Variants in GPC6 observed in about 807,000 individuals in gnomAD.
The protein encoded by GPC6 is glypican-6.
In GPC6, 14 loss-of-function variants were observed where a neutral mutation model predicts 55.2. The observed-to-expected ratio is 0.25, with a 90% CI of 0.17 to 0.40. The LOEUF (loss-of-function observed/expected upper bound fraction) is 0.40. GPC6 is among the 10% of genes least tolerant of loss of function. GPC6 has a pLI of 1.00. For synonymous variants in GPC6, 278 were observed against 259.6 expected, an observed-to-expected ratio of 1.07 and a Z score of -0.68; for missense variants, 641 against 708.5, an observed-to-expected ratio of 0.90 and a Z score of 1.08.
intron 1 of GPC6, among the ~76,000 whole-genome samples, chr13:93,540,288 C>T (rs968741018): frequency 6.6e-6 from 1 of 152,020 alleles, no homozygotes; most frequent in African/African-American, 2.4e-5. Context: ...ATATTTTTAT[C>T]ATACAGAAAA....
At chr13:94,179,496 T>C (rs1287302392) in intron 4 of GPC6, among the ~76,000 whole-genome samples, 2 of 152,172 alleles carry the variant, frequency 1.3e-5, no homozygotes, top group Admixed American at 1.3e-4. Flanking sequence ...ACTGTTTGTA[T>C]ACGTGTAATT....
intron 2 of GPC6, among the ~76,000 whole-genome samples, chr13:93,674,853 T>TTG (rs1332997309): frequency 2.0e-5 from 3 of 149,716 alleles, no homozygotes; most frequent in Non-Finnish European, 1.5e-5. Flanking sequence ...ATGACTTGGC[T>TTG]GCTTCATGTC....
intron 3 of GPC6, among the ~76,000 whole-genome samples, chr13:93,902,661 T>C (rs1006600958): frequency 6.6e-6 from 1 of 152,214 alleles, no homozygotes; most frequent in African/African-American, 2.4e-5. Flanking sequence ...TACTAATTTA[T>C]ATTCCCGCTA....
intron 4 of GPC6, among the ~76,000 whole-genome samples, chr13:94,137,085 G>A (rs931344008): frequency 4.6e-5 from 7 of 152,228 alleles, no homozygotes; most frequent in Non-Finnish European, 1.0e-4. Context: ...ATAGGTGGCA[G>A]TGTCTCAATT....
chr13:93,934,000 A>G (rs747185628), intron 3 of GPC6, among the ~76,000 whole-genome samples: 1 of 152,188 alleles, frequency 6.6e-6, no homozygotes, highest in South Asian at 2.1e-4. Context: ...AACAATGGCA[A>G]CACCACTTAG....
At chr13:94,092,629 T>C (rs1885530491) in intron 4 of GPC6, among the ~76,000 whole-genome samples, 1 of 152,138 alleles carries the variant, frequency 6.6e-6, no homozygotes, top group South Asian at 2.1e-4. Context: ...TACTGATATT[T>C]CCTTTAGATA....
intron 4 of GPC6, among the ~76,000 whole-genome samples, chr13:94,257,575 T>G (rs983920799): frequency 2.0e-5 from 3 of 152,074 alleles, no homozygotes; most frequent in Non-Finnish European, 4.4e-5. Context: ...CCCCCTAGTA[T>G]TCCCTCATCA....
intron 1 of GPC6, among the ~76,000 whole-genome samples, chr13:93,455,881 G>A (rs1485912704): frequency 1.3e-5 from 2 of 152,146 alleles, no homozygotes; most frequent in South Asian, 2.1e-4. Context: ...TCTAAGTTCT[G>A]CGTCATGAAC....
At chr13:93,442,208 AAGTAG>A (rs1566359726) in intron 1 of GPC6, among the ~76,000 whole-genome samples, 1 of 152,142 alleles carries the variant, frequency 6.6e-6, no homozygotes, top group African/African-American at 2.4e-5. Flanking sequence ...AGAGGCTCCT[AAGTAG>A]AGTAAAGACA....
At chr13:94,330,494 G>A (rs1423916962) in intron 6 of GPC6, among the ~76,000 whole-genome samples, 1 of 152,172 alleles carries the variant, frequency 6.6e-6, no homozygotes, top group African/African-American at 2.4e-5. Context: ...TGTCCTTGGG[G>A]TGCAGCCAAG....
chr13:93,855,276 C>T (rs1451086298), intron 3 of GPC6, among the ~76,000 whole-genome samples: 1 of 151,750 alleles, frequency 6.6e-6, no homozygotes, highest in South Asian at 2.1e-4. Context: ...GGGAATTCTA[C>T]AGTATGTAGC....
At chr13:94,216,403 G>A (rs1890226246) in intron 4 of GPC6, among the ~76,000 whole-genome samples, 1 of 152,096 alleles carries the variant, frequency 6.6e-6, no homozygotes, top group East Asian at 1.9e-4. Flanking sequence ...ACACAAGAAA[G>A]TACTTCACAT....
At chr13:94,243,451 T>G (rs998601284) in intron 4 of GPC6, among the ~76,000 whole-genome samples, 1 of 152,074 alleles carries the variant, frequency 6.6e-6, no homozygotes, top group Non-Finnish European at 1.5e-5. Flanking sequence ...AACAGGTGTT[T>G]GAACAGAACT....
intron 2 of GPC6, among the ~76,000 whole-genome samples, chr13:93,551,150 G>C (rs527439729): frequency 6.6e-6 from 1 of 152,218 alleles, no homozygotes; most frequent in South Asian, 2.1e-4. Flanking sequence ...CAAAGATTTT[G>C]TATGCAAGTC....
At chr13:93,581,815 C>G (rs1302135505) in intron 2 of GPC6, among the ~76,000 whole-genome samples, 1 of 152,186 alleles carries the variant, frequency 6.6e-6, no homozygotes, top group African/African-American at 2.4e-5. Context: ...CTCCTTTGCT[C>G]TCTAGAAGCC....
chr13:93,595,773 T>C (rs538141133), intron 2 of GPC6, among the ~76,000 whole-genome samples: 269 of 152,338 alleles, frequency 1.8e-3, no homozygotes, highest in Non-Finnish European at 3.1e-3. Context: ...TTAAAATGTG[T>C]GATTTGGCAT....
chr13:94,132,822 C>A (rs773104490), intron 4 of GPC6, among the ~76,000 whole-genome samples: 2 of 152,144 alleles, frequency 1.3e-5, no homozygotes, highest in Non-Finnish European at 2.9e-5. Context: ...CGCCTCAGGA[C>A]CCAGCCCATG....
intron 4 of GPC6, among the ~76,000 whole-genome samples, chr13:94,146,006 G>A (rs1593984469): frequency 2.0e-5 from 3 of 152,162 alleles, no homozygotes; most frequent in Admixed American, 2.0e-4. Context: ...GCTCATAAAA[G>A]GATCAGATGA....
At chr13:93,347,733 A>G (rs1322101871) in intron 1 of GPC6, among the ~76,000 whole-genome samples, 2 of 152,188 alleles carry the variant, frequency 1.3e-5, no homozygotes, top group Non-Finnish European at 2.9e-5. Context: ...TAATCATAAC[A>G]CAAGTCTTCA....
Sources: allele counts gnomAD v4.1 joint callset (sites outside exome capture counted in the v4.1 genomes callset), GRCh38; gene constraint gnomAD v4.1.1; transcripts MANE v1.5; gene names NCBI Gene and HGNC (gene_info 2026-07-23, HGNC 2026-07-21).